EPS8: variants seen among roughly 807,000 people sequenced by gnomAD.
EPS8 encodes EGFR pathway substrate 8, signaling adaptor.
Under a neutral mutation model 103.8 loss-of-function variants are expected in EPS8, and 42 were observed. The observed-to-expected ratio is 0.40, with a 90% CI of 0.32 to 0.52. The LOEUF (loss-of-function observed/expected upper bound fraction) is 0.52, where lower values mean the gene tolerates loss of function less well. EPS8 is among the 20% of genes least tolerant of loss of function. The probability of loss-of-function intolerance (pLI) is 0.40; values close to 1 mark genes in which losing one functional copy is unlikely to be tolerated. For synonymous variants in EPS8, 344 were observed against 344.6 expected (o/e 1.00, Z 0.02); for missense variants, 969 against 1,005.1 (o/e 0.96, Z 0.49).
At position 15,688,767 on chromosome 12, in the gene EPS8, C is replaced by CGATA. The variant is rs1946131057; in HGVS notation, c.-21-5796_-21-5795insTATC. On this transcript the variant is annotated intron_variant, in intron 1 of 20. Transcript: ENST00000281172. This position sits in a 1 kb window ranked among gnomAD's most constrained non-coding sequence, Gnocchi z 5.1. ...AAGCCCACGTGTGATCCGATTCTTC[C>CGATA]CATACGCCAAGGCAATAACCCCAGG... Among the ~76,000 whole-genome samples, 2 of 152,154 alleles carry CGATA rather than the reference C, an allele frequency of 1.3e-5. No individual in the cohort carries two copies. The highest frequency in any genetic ancestry group is 4.8e-5 in the African/African-American group (2 of 41,426).
intron 20 of EPS8, 92 bp downstream of exon 20, chr12:15,623,066 A>T: frequency 2.4e-6 from 3 of 1,264,458 alleles, no homozygotes; most frequent in Non-Finnish European, 3.2e-6. Flanking sequence ...CAGCTCTGTT[A>T]AGAAAGGGAA....
chr12:15,622,904 A>G (rs1448140184), intron 20 of EPS8, among the ~76,000 whole-genome samples: 3 of 152,176 alleles, frequency 2.0e-5, no homozygotes, highest in Non-Finnish European at 2.9e-5. Context: ...TAGTCAATAC[A>G]TATAAAATGA....
chr12:15,652,909 C>A (rs74065614), intron 13 of EPS8, among the ~76,000 whole-genome samples: 2,475 of 152,168 alleles, frequency 0.016, 62 homozygotes, highest in African/African-American at 0.056. Flanking sequence ...AGACAAATGT[C>A]TAAGTGGCCA....
chr12:15,758,469 T>C (rs74063367), intron 1 of EPS8, among the ~76,000 whole-genome samples: 2,011 of 152,338 alleles, frequency 0.013, 45 homozygotes, highest in African/African-American at 0.045. Flanking sequence ...AGAGTATCCA[T>C]TAGCCACATA....
intron 1 of EPS8, among the ~76,000 whole-genome samples, chr12:15,740,051 A>T (rs1315517478): frequency 6.6e-6 from 1 of 152,152 alleles, no homozygotes; most frequent in Non-Finnish European, 1.5e-5. Flanking sequence ...AGGTGACGGC[A>T]AAGTTAAGGA....
chr12:15,722,110 A>G (rs1219838784), intron 1 of EPS8, among the ~76,000 whole-genome samples: 1 of 151,846 alleles, frequency 6.6e-6, no homozygotes, highest in African/African-American at 2.4e-5. Flanking sequence ...GGGGTGTCCA[A>G]TCTTTTGGCT....
chr12:15,650,631 C>T (rs574026715), intron 14 of EPS8, among the ~76,000 whole-genome samples, 192 bp downstream of exon 14: 2 of 151,964 alleles, frequency 1.3e-5, no homozygotes, highest in South Asian at 2.1e-4. Context: ...TTGGGCTTCA[C>T]GGAGGAACAG....
Position 15,695,527 on chromosome 12 carries a change from ATAAAT to A in EPS8, c.-21-12560_-21-12556del, listed in dbSNP as rs1270561967. 6.6e-6 allele frequency among the ~76,000 whole-genome samples: 1 copy of A among 152,256 alleles called. No homozygotes were observed. Among genetic ancestry groups the A allele is most frequent in the Admixed American group, 6.5e-5 (1 of 15,288 alleles). On this transcript the variant is annotated intron_variant, in intron 1 of 20. Transcript: ENST00000281172. This position sits in a 1 kb window ranked among gnomAD's most constrained non-coding sequence, Gnocchi z 5.0. ...AACTGAATTTTAAGTTTTATTACAT[ATAAAT>A]TAGTTTACATTTAAATGTTAATAAC... is the stretch of plus-strand genomic sequence containing the variant.
chr12:15,623,357 C>T, intron 19 of EPS8, 70 bp from the exon 20 acceptor site: 3 of 1,390,592 alleles, frequency 2.2e-6, no homozygotes, highest in Admixed American at 2.1e-5. Context: ...AGAAAATTAT[C>T]TGTTCCTGCT....
In EPS8 at chr12:15,784,375, G is replaced by A. The variant is rs1298322489; in HGVS notation, c.-22+4786C>T. 6.6e-6 allele frequency among the ~76,000 whole-genome samples: 1 copy of A among 152,122 alleles called. No individual in the cohort carries two copies. The highest frequency in any genetic ancestry group is 1.5e-5 in the Non-Finnish European group (1 of 68,000). On this transcript the variant is annotated intron_variant, in intron 1 of 20. Coordinates refer to ENST00000281172, the MANE Select transcript of EPS8 (RefSeq NM_004447.6). The surrounding 1 kb of genome is among the most constrained non-coding windows in gnomAD (Gnocchi z 4.0). Reference sequence around the variant, plus strand: ...ACAGAAGATGTACAGATGAAAAGGGGTATGTGAAAAGATGTTAACATCATA... The same window carrying A: ...ACAGAAGATGTACAGATGAAAAGGGATATGTGAAAAGATGTTAACATCATA...
In EPS8 at chr12:15,695,677, T is replaced by C. The variant is rs1380329507; in HGVS notation, c.-21-12705A>G. 6.6e-6 allele frequency among the ~76,000 whole-genome samples: 1 copy of C among 151,960 alleles called. No individual in the cohort carries two copies. The highest frequency in any genetic ancestry group is 1.5e-5 in the Non-Finnish European group (1 of 67,984). ...CTTACAATCTAGAGGGAGGAGAGCA[T>C]GAAATAAGAAAATGAGGCAGGGCAT... On this transcript the variant is annotated intron_variant, in intron 1 of 20. Coordinates refer to ENST00000281172, the MANE Select transcript of EPS8 (RefSeq NM_004447.6). The surrounding 1 kb of genome is among the most constrained non-coding windows in gnomAD (Gnocchi z 5.0).
At chr12:15,788,981 C>A (rs1309540460) in intron 1 of EPS8, among the ~76,000 whole-genome samples, 180 bp downstream of exon 1, 6 of 152,180 alleles carry the variant, frequency 3.9e-5, no homozygotes, top group Non-Finnish European at 8.8e-5. Context: ...CGGACGCCTC[C>A]GGCCGCAGCG....
intron 1 of EPS8, among the ~76,000 whole-genome samples, chr12:15,694,985 C>G (rs931158177): frequency 1.3e-5 from 2 of 152,074 alleles, no homozygotes; most frequent in African/African-American, 4.8e-5. Context: ...AAATAATGCT[C>G]ATTAAGTATT....
intron 18 of EPS8, among the ~76,000 whole-genome samples, chr12:15,628,601 A>G (rs1944989751): frequency 6.6e-6 from 1 of 152,224 alleles, no homozygotes; most frequent in Admixed American, 6.5e-5. Flanking sequence ...AACAGCCTGA[A>G]TAGCTTCTAT....
rs1164488651 is a variant in EPS8, at chr12:15,785,569, T to C, written c.-22+3592A>G. Among the ~76,000 whole-genome samples, 1 of 152,118 alleles carries C rather than the reference T, an allele frequency of 6.6e-6. No individual in the cohort carries two copies. The highest frequency in any genetic ancestry group is 1.5e-5 in the Non-Finnish European group (1 of 67,962). On this transcript the variant is annotated intron_variant, in intron 1 of 20. Transcript: ENST00000281172. This position sits in a 1 kb window ranked among gnomAD's most constrained non-coding sequence, Gnocchi z 4.9. ...ACTGTTACATAAAAATATGTACAGA[T>C]ATGTTCATATACACACATGTATTTC...
At chr12:15,723,877 G>A (rs1471092925) in intron 1 of EPS8, among the ~76,000 whole-genome samples, 1 of 152,042 alleles carries the variant, frequency 6.6e-6, no homozygotes, top group East Asian at 1.9e-4. Context: ...ATCCCAGAAG[G>A]TCACCTTAAT....
At chr12:15,666,392 C>A (rs1455415104) in intron 7 of EPS8, 48 bp downstream of exon 7, 1 of 1,423,120 alleles carries the variant, frequency 7.0e-7, no homozygotes, top group Non-Finnish European at 9.9e-7. Context: ...GGAAAAAAGC[C>A]TTAGAAACAA....
chr12:15,778,280 C>T lies in EPS8; in HGVS notation c.-22+10881G>A, dbSNP rs185107687. 6.6e-5 allele frequency among the ~76,000 whole-genome samples: 10 copies of T among 152,272 alleles called. No homozygotes were observed. The highest frequency in any genetic ancestry group is 5.8e-4 in the East Asian group (3 of 5,180). On this transcript the variant is annotated intron_variant, in intron 1 of 20. Coordinates refer to ENST00000281172, the MANE Select transcript of EPS8 (RefSeq NM_004447.6). The surrounding 1 kb of genome is among the most constrained non-coding windows in gnomAD (Gnocchi z 4.5). ...CTCTGACACACACTCTTCAGGCATA[C>T]GCATTAATCCCACACCTTTGCATGC...
rs182290343 is a variant in EPS8 at position 15,747,344 on chromosome 12, T to C, written c.-22+41817A>G. Among the ~76,000 whole-genome samples the C allele has an allele frequency of 2.8e-4, 43 of 152,330 alleles. 1 individual carries two copies. The highest frequency in any genetic ancestry group is 1.0e-3 in the African/African-American group (42 of 41,564). ...TGAAGTGGATACTATATATAGCTAA[T>C]ATGGTTATCAGAAAGTGCTTAATCT... On this transcript the variant is annotated intron_variant, in intron 1 of 20. Coordinates refer to ENST00000281172, the MANE Select transcript of EPS8 (RefSeq NM_004447.6). The surrounding 1 kb of genome is among the most constrained non-coding windows in gnomAD (Gnocchi z 4.4).
Sources: gnomAD v4.1 joint callset for allele counts (sites outside exome capture counted in the v4.1 genomes callset) on GRCh38, gnomAD v4.1.1 for gene constraint, Gnocchi (gnomAD v3.1) non-coding constraint, MANE v1.5 for transcripts, NCBI Gene and HGNC (gene_info 2026-07-23, HGNC 2026-07-21) for gene names.